GAB1: variants seen among roughly 807,000 people sequenced by gnomAD.
The protein encoded by GAB1 is GRB2 associated binding protein 1.
Under a neutral mutation model 66.5 loss-of-function variants are expected in GAB1, and 19 were observed. The observed-to-expected ratio is 0.29, with a 90% CI of 0.20 to 0.42. The LOEUF (loss-of-function observed/expected upper bound fraction) is 0.42, where lower values mean the gene tolerates loss of function less well. Ranked by LOEUF, GAB1 falls within the 10% of genes least tolerant of loss-of-function variation. The pLI is 1.00. For synonymous variants in GAB1, 294 were observed against 301.4 expected, an observed-to-expected ratio of 0.98 and a Z score of 0.25; for missense variants, 732 against 858.5, an observed-to-expected ratio of 0.85 and a Z score of 1.84.
At chr4:143,361,769 T>A (rs1729670543) in intron 1 of GAB1, among the ~76,000 whole-genome samples, 2 of 152,274 alleles carry the variant, frequency 1.3e-5, no homozygotes, top group East Asian at 3.9e-4. Flanking sequence ...GTACGGTTCT[T>A]ACTATTTGTA....
intron 1 of GAB1, among the ~76,000 whole-genome samples, chr4:143,358,796 C>T (rs1468737209): frequency 2.6e-4 from 39 of 152,232 alleles, no homozygotes; most frequent in Non-Finnish European, 4.4e-5. Flanking sequence ...TTGTATGTTT[C>T]CTTTAATTAA....
intron 8 of GAB1, among the ~76,000 whole-genome samples, chr4:143,464,551 T>C (rs1377909644): frequency 1.3e-5 from 2 of 152,162 alleles, no homozygotes; most frequent in Admixed American, 6.5e-5. Context: ...TTTTTTAATG[T>C]TTTATTTGTA....
rs575767248 is a variant in GAB1, at chr4:143,364,759, C to T, written c.72+27499C>T. On this transcript the variant is annotated intron_variant, in intron 1 of 9. Coordinates refer to ENST00000262994, the MANE Select transcript of GAB1 (RefSeq NM_002039.4). ...CCCCAGTGTTTGCTTGTTCACTCCCCGCGTCCCACATCAATGCCAGTCAAC... is the reference window on the plus strand; with the variant it reads ...CCCCAGTGTTTGCTTGTTCACTCCCTGCGTCCCACATCAATGCCAGTCAAC... 5.9e-5 allele frequency among the ~76,000 whole-genome samples: 9 copies of T among 151,964 alleles called. No homozygotes were observed. In the South Asian group the frequency reaches 1.2e-3, roughly 21 times the overall value.
intron 2 of GAB1, among the ~76,000 whole-genome samples, chr4:143,422,700 GT>G (rs1300095414): frequency 6.6e-6 from 1 of 152,184 alleles, no homozygotes; most frequent in Non-Finnish European, 1.5e-5. Context: ...ATGTGGGCCA[GT>G]TTATTATTTG....
chr4:143,350,009 C>G (rs1729135491), intron 1 of GAB1: 26 of 1,568,910 alleles, frequency 1.7e-5, no homozygotes, highest in Non-Finnish European at 2.2e-5. Flanking sequence ...CCTCCGCGAC[C>G]CCGGCCCCGG....
intron 6 of GAB1, among the ~76,000 whole-genome samples, chr4:143,445,828 A>G (rs936676661): frequency 3.3e-5 from 5 of 152,120 alleles, no homozygotes; most frequent in African/African-American, 1.2e-4. Context: ...GTTTTAGGGT[A>G]CATGTGCACA....
intron 8 of GAB1, among the ~76,000 whole-genome samples, chr4:143,461,045 A>C (rs947306895): frequency 1.3e-5 from 2 of 152,216 alleles, no homozygotes; most frequent in Non-Finnish European, 2.9e-5. Context: ...GAGGTTGGCT[A>C]TACTACCATA....
chr4:143,389,289 G>T (rs1487697783), intron 1 of GAB1, among the ~76,000 whole-genome samples: 2 of 152,194 alleles, frequency 1.3e-5, no homozygotes, highest in African/African-American at 4.8e-5. Context: ...TGCTGGAAAA[G>T]AATTTATGTC....
chr4:143,417,055 GAAGA>G (rs752393269), intron 2 of GAB1, among the ~76,000 whole-genome samples: 2 of 152,206 alleles, frequency 1.3e-5, no homozygotes, highest in Non-Finnish European at 2.9e-5. Flanking sequence ...GAACATGGAA[GAAGA>G]AAGAGGGGCT....
At chr4:143,369,746 G>T (rs1342807427) in intron 1 of GAB1, among the ~76,000 whole-genome samples, 1 of 152,230 alleles carries the variant, frequency 6.6e-6, no homozygotes, top group African/African-American at 2.4e-5. Flanking sequence ...CCGGGAAGCT[G>T]CTATTACAGA....
At chr4:143,452,694 A>G (rs561107933) in intron 6 of GAB1, among the ~76,000 whole-genome samples, 1 of 152,346 alleles carries the variant, frequency 6.6e-6, no homozygotes, top group Admixed American at 6.5e-5. Context: ...CACATGATCA[A>G]GAGATTGATA....
intron 1 of GAB1, among the ~76,000 whole-genome samples, chr4:143,367,571 T>C (rs1241792528): frequency 6.6e-6 from 1 of 151,230 alleles, no homozygotes; most frequent in African/African-American, 2.4e-5. Flanking sequence ...TTTTTTTCTT[T>C]ACAGAGGTAT....
At chr4:143,444,847 C>T (rs1023775995) in intron 6 of GAB1, among the ~76,000 whole-genome samples, 2 of 152,130 alleles carry the variant, frequency 1.3e-5, no homozygotes, top group Non-Finnish European at 2.9e-5. Flanking sequence ...TAAGTGAGAA[C>T]ATGTGATATT....
At chr4:143,452,411 T>C (rs1227651179) in intron 6 of GAB1, among the ~76,000 whole-genome samples, 1 of 152,218 alleles carries the variant, frequency 6.6e-6, no homozygotes, top group East Asian at 1.9e-4. Flanking sequence ...CTAGATGGCA[T>C]ATATTTTCTA....
chr4:143,468,133 TG>T (rs1372754776), intron 9 of GAB1, among the ~76,000 whole-genome samples: 1 of 151,996 alleles, frequency 6.6e-6, no homozygotes, highest in Non-Finnish European at 1.5e-5. Context: ...AGGTTGTCTA[TG>T]TTAAGATGAA....
intron 1 of GAB1, among the ~76,000 whole-genome samples, chr4:143,346,040 G>A (rs932661712): frequency 4.6e-5 from 7 of 152,070 alleles, no homozygotes; most frequent in Non-Finnish European, 8.8e-5. Context: ...CATTTTATTT[G>A]CTAACTTTTT....
At chr4:143,366,872 C>T (rs1219813637) in intron 1 of GAB1, among the ~76,000 whole-genome samples, 7 of 151,920 alleles carry the variant, frequency 4.6e-5, no homozygotes, top group African/African-American at 1.7e-4. Flanking sequence ...CATAATTTCC[C>T]AGGCTCATTT....
At chr4:143,350,030 C>G in intron 1 of GAB1, 2 of 1,555,230 alleles carry the variant, frequency 1.3e-6, no homozygotes, top group African/African-American at 1.3e-5. Context: ...ATGCCACTGC[C>G]GAAACCTCCG....
chr4:143,405,366 G>A (rs1185480032), intron 1 of GAB1, among the ~76,000 whole-genome samples: 1 of 152,126 alleles, frequency 6.6e-6, no homozygotes, highest in Non-Finnish European at 1.5e-5. Flanking sequence ...ATATTGGCAC[G>A]GTTTCAGTCC....
Sources: allele counts gnomAD v4.1 joint callset (sites outside exome capture counted in the v4.1 genomes callset), GRCh38; gene constraint gnomAD v4.1.1; transcripts MANE v1.5; gene names NCBI Gene and HGNC (gene_info 2026-07-23, HGNC 2026-07-21).